The following RALGAPA2 variants were observed in gnomAD, a reference collection of about 807,000 sequenced individuals.
The protein encoded by RALGAPA2 is Ral GTPase activating protein catalytic subunit alpha 2, also known as ral GTPase-activating protein subunit alpha-2.
RALGAPA2 carries 139 observed loss-of-function variants against 230.4 expected under a neutral mutation model. That is an observed-to-expected ratio of 0.60 (90% CI 0.53 to 0.69). The LOEUF (loss-of-function observed/expected upper bound fraction) is 0.69. Among genes scored for constraint, RALGAPA2 ranks in the 30% least tolerant of loss-of-function variants. The probability of loss-of-function intolerance (pLI) is 0.00; values close to 1 mark genes in which losing one functional copy is unlikely to be tolerated. For synonymous variants in RALGAPA2, 847 were observed against 837.8 expected (o/e 1.01, Z -0.19); for missense variants, 2,163 against 2,276.0 (o/e 0.95, Z 1.01).
intron 1 of RALGAPA2, among the ~76,000 whole-genome samples, chr20:20,685,424 A>T (rs922164073): frequency 2.0e-5 from 3 of 152,152 alleles, no homozygotes; most frequent in Non-Finnish European, 4.4e-5. Context: ...GCTTTAAAGG[A>T]AATGTTCATG....
intron 37 of RALGAPA2, among the ~76,000 whole-genome samples, chr20:20,454,393 C>A (rs913211908): frequency 2.0e-5 from 3 of 152,238 alleles, no homozygotes; most frequent in Non-Finnish European, 4.4e-5. Flanking sequence ...GCATGACACT[C>A]GTGGCTCTAT....
At chr20:20,601,519 T>C (rs1364532077) in intron 16 of RALGAPA2, among the ~76,000 whole-genome samples, 163 bp downstream of exon 16, 4 of 152,230 alleles carry the variant, frequency 2.6e-5, no homozygotes, top group African/African-American at 9.6e-5. Flanking sequence ...AAACTGTGAT[T>C]TGAAAAGTAA....
intron 24 of RALGAPA2, among the ~76,000 whole-genome samples, chr20:20,541,996 A>G (rs973031602): frequency 6.6e-6 from 1 of 152,240 alleles, no homozygotes; most frequent in Admixed American, 6.5e-5. Flanking sequence ...ACATGATTGT[A>G]TATTTAGAAA....
chr20:20,520,428 C>T (rs571405126), intron 31 of RALGAPA2, among the ~76,000 whole-genome samples: 1 of 152,340 alleles, frequency 6.6e-6, no homozygotes, highest in South Asian at 2.1e-4. Context: ...GGACTCTCTG[C>T]TATGAGCAGA....
intron 20 of RALGAPA2, among the ~76,000 whole-genome samples, chr20:20,577,355 A>T (rs1239316751): frequency 6.6e-6 from 1 of 152,178 alleles, no homozygotes; most frequent in African/African-American, 2.4e-5. Context: ...CAAGACACAC[A>T]TAAAAAAAGA....
At chr20:20,578,287 C>T in intron 20 of RALGAPA2, among the ~76,000 whole-genome samples, 1 of 152,210 alleles carries the variant, frequency 6.6e-6, no homozygotes, top group South Asian at 2.1e-4. Flanking sequence ...AGTGAAGGAG[C>T]ACTTAATTAA....
intron 24 of RALGAPA2, among the ~76,000 whole-genome samples, chr20:20,540,297 C>A (rs1037161271): frequency 6.6e-6 from 1 of 152,196 alleles, no homozygotes; most frequent in Non-Finnish European, 1.5e-5. Flanking sequence ...CCCAACCATT[C>A]ACTAACCCAC....
intron 23 of RALGAPA2, among the ~76,000 whole-genome samples, chr20:20,547,076 G>A (rs1184427209): frequency 6.6e-6 from 1 of 152,194 alleles, no homozygotes; most frequent in Non-Finnish European, 1.5e-5. Context: ...ATGGCTCTGA[G>A]ACTAGACATT....
chr20:20,441,064 G>A (rs1386980339), intron 37 of RALGAPA2, among the ~76,000 whole-genome samples: 1 of 152,218 alleles, frequency 6.6e-6, no homozygotes, highest in African/African-American at 2.4e-5. Context: ...TCGGAATGGA[G>A]CAGTGTAGCT....
chr20:20,389,617 T>C lies in RALGAPA2; in HGVS notation c.*3672A>G, dbSNP rs934215945. 10 of 152,204 alleles carry C rather than the reference T, an allele frequency of 6.6e-5. No individual in the cohort carries two copies. The highest frequency in any genetic ancestry group is 1.5e-4 in the Non-Finnish European group (10 of 68,042). The allele number at this position is 152,204 out of a possible 1,614,324, so 9.4% of individuals were successfully genotyped here. A position where few individuals can be genotyped will look rare whatever the true frequency, so the allele number is the denominator to read the frequency against. ...CTATAATGAGAATGAGAGAAACATA[T>C]AGCACTGAAGTGCTGTGTTTCCACT... On this transcript the variant is annotated 3_prime_UTR_variant, in exon 40 of 40. Transcript: ENST00000202677.
In RALGAPA2 at chr20:20,472,844, G is replaced by A. The variant is rs1363474982; in HGVS notation, c.5480C>T (p.Pro1827Leu). 1 of 1,612,958 alleles carries A rather than the reference G, an allele frequency of 6.2e-7. No homozygotes were observed. Among genetic ancestry groups the A allele is most frequent in the African/African-American group, 1.3e-5 (1 of 74,846 alleles). The change falls in exon 37 of 40, where the codon CCA becomes CTA. Residue 1827 changes from proline to leucine, a missense_variant. Physicochemically the swap from Pro to Leu is moderately conservative, Grantham distance 98. Transcript: ENST00000202677. ...AAAAAGATACAAGCTCTGGTAGAGT[G>A]GGATGAGGCACTTCACAGCCCTGCT... ...NASRAVKCLI[P>L]LYQSFYEERA... is the part of the protein sequence containing the mutation.
chr20:20,538,142 G>T (rs1172952907), intron 24 of RALGAPA2, among the ~76,000 whole-genome samples: 1 of 152,228 alleles, frequency 6.6e-6, no homozygotes, highest in Non-Finnish European at 1.5e-5. Flanking sequence ...TGCTAGGAGA[G>T]CAACATACTG....
intron 10 of RALGAPA2, 66 bp from the exon 11 acceptor site, chr20:20,620,696 C>T (rs1028768011): frequency 9.0e-6 from 12 of 1,337,404 alleles, no homozygotes; most frequent in African/African-American, 7.4e-5. Context: ...GGCAGCATCA[C>T]GGACATTCCC....
chr20:20,415,846 C>G (rs1199130224), intron 37 of RALGAPA2, among the ~76,000 whole-genome samples: 1 of 152,240 alleles, frequency 6.6e-6, no homozygotes, highest in Non-Finnish European at 1.5e-5. Flanking sequence ...ACACACCCTG[C>G]TGAATCTGCA....
At position 20,391,412 on chromosome 20, in the gene RALGAPA2, C is replaced by T. The variant is rs1478300243; in HGVS notation, c.*1877G>A. On this transcript the variant is annotated 3_prime_UTR_variant, in exon 40 of 40. Coordinates refer to ENST00000202677, the MANE Select transcript of RALGAPA2 (RefSeq NM_020343.4). The stretch of plus-strand genomic sequence containing the variant: ...CGGCCCAGGGGCCAGAAGCTTCCTT[C>T]CACTTTGGGGCACCCTCATTCTCTT... 6.6e-6 allele frequency: 1 copy of T among 152,296 alleles called. No homozygotes were observed. Among genetic ancestry groups the T allele is most frequent in the East Asian group, 1.9e-4 (1 of 5,196 alleles). The allele number at this position is 152,296 out of a possible 1,614,324, so 9.4% of individuals were successfully genotyped here.
chr20:20,555,115 G>A (rs2064045190), intron 23 of RALGAPA2, among the ~76,000 whole-genome samples: 1 of 152,048 alleles, frequency 6.6e-6, no homozygotes, highest in Non-Finnish European at 1.5e-5. Context: ...GTGAGGTAGG[G>A]GTCCAACTTC....
At chr20:20,646,469 A>T (rs1241161364) in intron 4 of RALGAPA2, among the ~76,000 whole-genome samples, 1 of 152,172 alleles carries the variant, frequency 6.6e-6, no homozygotes, top group Non-Finnish European at 1.5e-5. Flanking sequence ...TTCAAACTAT[A>T]ATTATACCCA....
intron 36 of RALGAPA2, among the ~76,000 whole-genome samples, chr20:20,488,629 G>T (rs912718159): frequency 6.6e-6 from 1 of 152,160 alleles, no homozygotes; most frequent in African/African-American, 2.4e-5. Flanking sequence ...TGTGAGGATG[G>T]CAGTGATGAC....
rs375842859 is a variant in RALGAPA2 at position 20,529,419 on chromosome 20, ATATC to A, written c.3582+2264_3582+2267del. Among the ~76,000 whole-genome samples the A allele has an allele frequency of 8.6e-4, 131 of 152,358 alleles. 1 individual carries two copies. In the Middle Eastern group the frequency reaches 0.017, roughly 20 times the overall value. ...TAATTATAGAAAAGTTGCAGAAAGA[ATATC>A]TATCCCTCTACTCTGTTATCAATTT... On this transcript the variant is annotated intron_variant, in intron 27 of 39. Coordinates refer to ENST00000202677, the MANE Select transcript of RALGAPA2 (RefSeq NM_020343.4).
Sources: allele counts gnomAD v4.1 joint callset (sites outside exome capture counted in the v4.1 genomes callset), GRCh38; gene constraint gnomAD v4.1.1; transcripts MANE v1.5; gene names NCBI Gene and HGNC (gene_info 2026-07-23, HGNC 2026-07-21).